Variants in CDH11 observed in about 807,000 individuals in gnomAD.
The protein encoded by CDH11 is cadherin 11.
A neutral mutation model predicts 67.8 loss-of-function variants in CDH11; 11 were observed. That is an observed-to-expected ratio of 0.16 (90% CI 0.10 to 0.27). The LOEUF (loss-of-function observed/expected upper bound fraction) is 0.27. Among genes scored for constraint, CDH11 ranks in the 10% least tolerant of loss-of-function variants. The probability of loss-of-function intolerance (pLI) is 1.00; values close to 1 mark genes in which losing one functional copy is unlikely to be tolerated. For missense variants in CDH11, 847 were observed against 1,031.2 expected, an observed-to-expected ratio of 0.82 and a Z score of 2.45; for synonymous variants, 419 against 400.0, an observed-to-expected ratio of 1.05 and a Z score of -0.57.
chr16:65,109,805 T>C (rs1052779537), intron 1 of CDH11, among the ~76,000 whole-genome samples: 1 of 152,192 alleles, frequency 6.6e-6, no homozygotes, highest in Non-Finnish European at 1.5e-5. Flanking sequence ...CACTGAGCTA[T>C]ATTACTGGAC....
intron 2 of CDH11, among the ~76,000 whole-genome samples, chr16:65,032,402 A>C (rs2073661155): frequency 6.6e-6 from 1 of 151,520 alleles, no homozygotes; most frequent in South Asian, 2.1e-4. Context: ...AGGTGAGAGG[A>C]TCACTTGAGC....
At chr16:65,048,793 C>T (rs2074006325) in intron 2 of CDH11, among the ~76,000 whole-genome samples, 1 of 151,608 alleles carries the variant, frequency 6.6e-6, no homozygotes, top group Non-Finnish European at 1.5e-5. Context: ...TATATATATA[C>T]ACACACACAA....
intron 1 of CDH11, among the ~76,000 whole-genome samples, chr16:65,100,671 G>A (rs1265715955): frequency 6.6e-6 from 1 of 150,898 alleles, no homozygotes; most frequent in Non-Finnish European, 1.5e-5. Context: ...CCAGGAGGTG[G>A]AGGTTACAGT....
intron 2 of CDH11, among the ~76,000 whole-genome samples, chr16:65,023,167 G>GA (rs1396736109): frequency 6.6e-6 from 1 of 152,192 alleles, no homozygotes; most frequent in Non-Finnish European, 1.5e-5. Flanking sequence ...AGGACTCCCA[G>GA]AAAATGGGAG....
Position 64,943,822 on chromosome 16 carries a change from T to C in CDH11, c.*3781A>G, listed in dbSNP as rs1323661827. On this transcript the variant is annotated 3_prime_UTR_variant, in exon 13 of 13. Transcript: ENST00000268603. ...CAGGCACTGTGTAAAGAACTGAGTA[T>C]ACAATGGTAAACAAGAAAGCAAGAT... 2.7e-5 allele frequency: 6 copies of C among 220,768 alleles called. No homozygotes were observed. The highest frequency in any genetic ancestry group is 4.5e-5 in the Non-Finnish European group (5 of 110,176). 13.7% of individuals were successfully genotyped at this position (220,768 alleles called of 1,614,324 possible). A position where few individuals can be genotyped will look rare whatever the true frequency, so the allele number is the denominator to read the frequency against.
intron 2 of CDH11, among the ~76,000 whole-genome samples, chr16:65,027,439 T>C (rs2073556575): frequency 6.6e-6 from 1 of 152,122 alleles, no homozygotes; most frequent in African/African-American, 2.4e-5. Flanking sequence ...TCCAAAGAGA[T>C]TTACCAGCAG....
At chr16:64,951,716 TA>T (rs2071366417) in intron 11 of CDH11, among the ~76,000 whole-genome samples, 1 of 152,196 alleles carries the variant, frequency 6.6e-6, no homozygotes, top group Admixed American at 6.5e-5. Flanking sequence ...TGTTTGTATA[TA>T]TTTTTAAAAA....
Position 64,991,871 on chromosome 16 carries a change from G to T in CDH11, c.708C>A (p.Ile236=). ...TATGTCCACCCATGTCCTTGGCCTG[G>T]ATCACCACGTGGTACTCCTCCTTGG... The part of the protein sequence containing the change: ...REAKEEYHVV[I]QAKDMGGHMG... The change falls in exon 6 of 13, where the codon ATC becomes ATA. Residue 236 remains isoleucine, a synonymous_variant. Coordinates refer to ENST00000268603, the MANE Select transcript of CDH11 (RefSeq NM_001797.4). 6.2e-7 allele frequency: 1 copy of T among 1,613,832 alleles called. No homozygotes were observed. Among genetic ancestry groups the T allele is most frequent in the Non-Finnish European group, 8.5e-7 (1 of 1,179,782 alleles).
intron 4 of CDH11, among the ~76,000 whole-genome samples, chr16:64,996,093 G>C (rs1490546722): frequency 6.6e-6 from 1 of 152,146 alleles, no homozygotes; most frequent in East Asian, 1.9e-4. Flanking sequence ...AAAATAACAT[G>C]CTGGTGAGGA....
intron 1 of CDH11, among the ~76,000 whole-genome samples, chr16:65,068,541 A>G (rs932386980): frequency 5.9e-5 from 9 of 152,100 alleles, no homozygotes; most frequent in Non-Finnish European, 1.0e-4. Flanking sequence ...TGATGCAAAC[A>G]CAGTTAATGA....
chr16:64,999,636 C>T (rs1160561502), intron 3 of CDH11, among the ~76,000 whole-genome samples: 4 of 152,040 alleles, frequency 2.6e-5, no homozygotes, highest in East Asian at 3.9e-4. Context: ...CATGTTCAAG[C>T]GATTTCTCCT....
At chr16:64,948,409 T>G in intron 12 of CDH11, 1 of 609,832 alleles carries the variant, frequency 1.6e-6, no homozygotes, top group Non-Finnish European at 2.9e-6. Flanking sequence ...AGGAAGATTC[T>G]AAATATGTTG....
rs746154487 is a variant in CDH11, at chr16:64,982,247, C to A, written c.1054G>T (p.Val352Leu). 1 of 1,613,240 alleles carries A rather than the reference C, an allele frequency of 6.2e-7. No homozygotes were observed. The highest frequency in any genetic ancestry group is 1.1e-5 in the South Asian group (1 of 91,064). ...CTGATAAACTTCGGGTCGATGTGCA[C>A]GTTGGCTGCCTCTACCTTCAAGCTA... ...AYSLKVEAAN[V>L]HIDPKFISNG... The change falls in exon 8 of 13, where the codon GTG becomes TTG. Residue 352 changes from valine (V) to leucine (L), a missense_variant. By Grantham distance (32) the Val-to-Leu change is conservative (BLOSUM62 1). This residue lies in a region of CDH11 where 612 missense variants were observed against 678.7 expected (regional missense o/e 0.90). Transcript: ENST00000268603.
intron 1 of CDH11, among the ~76,000 whole-genome samples, chr16:65,064,423 T>A (rs2074281379): frequency 6.6e-6 from 1 of 152,214 alleles, no homozygotes; most frequent in African/African-American, 2.4e-5. Context: ...TCAGTAAATA[T>A]AAGTCAATAC....
At chr16:65,085,862 G>T (rs2074688965) in intron 1 of CDH11, among the ~76,000 whole-genome samples, 1 of 152,196 alleles carries the variant, frequency 6.6e-6, no homozygotes, top group African/African-American at 2.4e-5. Flanking sequence ...TGAAAGGAAG[G>T]TACTATCCTT....
intron 3 of CDH11, among the ~76,000 whole-genome samples, chr16:64,999,238 C>T (rs2072852728): frequency 6.6e-6 from 1 of 152,208 alleles, no homozygotes; most frequent in African/African-American, 2.4e-5. Flanking sequence ...AAGTCTTCCT[C>T]TCAGCTCTGA....
chr16:65,095,992 A>G (rs1410024352), intron 1 of CDH11, among the ~76,000 whole-genome samples: 1 of 152,200 alleles, frequency 6.6e-6, no homozygotes, highest in South Asian at 2.1e-4. Flanking sequence ...TTTAAATTTT[A>G]AACTTAAATT....
chr16:65,023,068 T>C (rs1254835448), intron 2 of CDH11, among the ~76,000 whole-genome samples: 5 of 152,094 alleles, frequency 3.3e-5, no homozygotes, highest in Non-Finnish European at 7.4e-5. Flanking sequence ...TGGTCAGTCA[T>C]TGGAAACTAA....
chr16:65,118,304 A>G (rs2075277200), intron 1 of CDH11, among the ~76,000 whole-genome samples: 1 of 152,152 alleles, frequency 6.6e-6, no homozygotes, highest in African/African-American at 2.4e-5. Context: ...CTTCCTGCTC[A>G]TAGGGGAGGC....
Sources: allele counts gnomAD v4.1 joint callset (sites outside exome capture counted in the v4.1 genomes callset), GRCh38; gene constraint gnomAD v4.1.1; regional missense constraint gnomAD v4.1.1; transcripts MANE v1.5; gene names NCBI Gene and HGNC (gene_info 2026-07-23, HGNC 2026-07-21).